CYP7B1: variants seen among roughly 807,000 people sequenced by gnomAD.
CYP7B1 encodes the protein cytochrome P450 family 7 subfamily B member 1.
A neutral mutation model predicts 42.7 loss-of-function variants in CYP7B1; 29 were observed. That is an observed-to-expected ratio of 0.68 (90% CI 0.51 to 0.93). CYP7B1 has a LOEUF of 0.93. Ranked by LOEUF, CYP7B1 falls within the 40% of genes least tolerant of loss-of-function variation. The pLI, the probability that CYP7B1 is intolerant of heterozygous loss-of-function variation, is 0.00. For missense variants in CYP7B1, 655 were observed against 600.5 expected, an observed-to-expected ratio of 1.09 and a Z score of -0.95; for synonymous variants, 235 against 218.2, an observed-to-expected ratio of 1.08 and a Z score of -0.68.
chr8:64,614,676 A>T (rs1272016046), intron 4 of CYP7B1, among the ~76,000 whole-genome samples: 1 of 152,152 alleles, frequency 6.6e-6, no homozygotes, highest in Non-Finnish European at 1.5e-5. Flanking sequence ...TTCCTTTTCA[A>T]TCCCTAAATA....
At chr8:64,743,137 TAAAC>T (rs970476082) in intron 1 of CYP7B1, among the ~76,000 whole-genome samples, 7 of 152,020 alleles carry the variant, frequency 4.6e-5, no homozygotes, top group Admixed American at 4.6e-4. Context: ...AAAAAACAAA[TAAAC>T]AAAAAAACAA....
At chr8:64,732,999 G>A (rs1807436407) in intron 1 of CYP7B1, 1 of 152,182 alleles carries the variant, frequency 6.6e-6, no homozygotes, top group Non-Finnish European at 1.5e-5. Flanking sequence ...AGGCCTACCT[G>A]GTTCTCCCAC....
At chr8:64,685,216 C>G (rs1023174471) in intron 1 of CYP7B1, among the ~76,000 whole-genome samples, 1 of 150,822 alleles carries the variant, frequency 6.6e-6, no homozygotes, top group South Asian at 2.1e-4. Flanking sequence ...CCGCGGGGCC[C>G]GAGGGCAAGG....
chr8:64,746,382 C>T (rs889360240), intron 1 of CYP7B1, among the ~76,000 whole-genome samples: 1 of 152,126 alleles, frequency 6.6e-6, no homozygotes, highest in Non-Finnish European at 1.5e-5. Context: ...CAGGGAATTG[C>T]AATGAGAATA....
At chr8:64,697,165 G>A (rs1806841216) in intron 1 of CYP7B1, among the ~76,000 whole-genome samples, 1 of 152,296 alleles carries the variant, frequency 6.6e-6, no homozygotes, top group Non-Finnish European at 1.5e-5. Context: ...TCTCCACAAC[G>A]TGTATTGCCT....
At chr8:64,790,726 C>T (rs1196267697) in intron 1 of CYP7B1, among the ~76,000 whole-genome samples, 12 of 152,170 alleles carry the variant, frequency 7.9e-5, no homozygotes, top group Admixed American at 7.9e-4. Flanking sequence ...AAATAAAAAT[C>T]TTAGACTCAC....
chr8:64,633,742 T>C (rs956596844), intron 1 of CYP7B1, among the ~76,000 whole-genome samples: 2 of 152,194 alleles, frequency 1.3e-5, no homozygotes, highest in Non-Finnish European at 2.9e-5. Context: ...TCTAGTAAGA[T>C]GTTTTATGGA....
At chr8:64,743,472 C>A (rs1563412160) in intron 1 of CYP7B1, among the ~76,000 whole-genome samples, 1 of 152,166 alleles carries the variant, frequency 6.6e-6, no homozygotes, top group African/African-American at 2.4e-5. Flanking sequence ...TATTTTCTCG[C>A]AGTTCTGGAA....
chr8:64,735,701 A>G (rs1048644962), intron 1 of CYP7B1, among the ~76,000 whole-genome samples: 1 of 152,184 alleles, frequency 6.6e-6, no homozygotes, highest in South Asian at 2.1e-4. Context: ...CACAAAAAGT[A>G]GAGAGAAAAT....
At chr8:64,643,184 T>TATAC (rs1805892680) in intron 1 of CYP7B1, among the ~76,000 whole-genome samples, 3 of 38,214 alleles carry the variant, frequency 7.9e-5, no homozygotes, top group African/African-American at 1.1e-4. Flanking sequence ...TATATATACA[T>TATAC]ATATATATAC....
intron 1 of CYP7B1, among the ~76,000 whole-genome samples, chr8:64,654,489 G>T (rs1806090757): frequency 1.3e-5 from 2 of 152,050 alleles, no homozygotes; most frequent in Non-Finnish European, 2.9e-5. Flanking sequence ...TTTACAATGA[G>T]AATTACAAAA....
chr8:64,711,715 A>G (rs974047104), intron 1 of CYP7B1, among the ~76,000 whole-genome samples: 1 of 152,214 alleles, frequency 6.6e-6, no homozygotes, highest in Non-Finnish European at 1.5e-5. Context: ...GAATATTCTT[A>G]TAATACGCCT....
At chr8:64,644,605 C>T (rs1805919563) in intron 1 of CYP7B1, among the ~76,000 whole-genome samples, 1 of 152,096 alleles carries the variant, frequency 6.6e-6, no homozygotes, top group African/African-American at 2.4e-5. Flanking sequence ...GGTGTGTTGT[C>T]AATAAGCAGT....
At chr8:64,728,789 A>G (rs973108364) in intron 1 of CYP7B1, 1 of 152,174 alleles carries the variant, frequency 6.6e-6, no homozygotes, top group Non-Finnish European at 1.5e-5. Flanking sequence ...TGTTCAAGAA[A>G]TTTCTGCCAT....
intron 1 of CYP7B1, among the ~76,000 whole-genome samples, chr8:64,758,721 C>T (rs1807844036): frequency 1.3e-5 from 2 of 152,120 alleles, no homozygotes; most frequent in Non-Finnish European, 2.9e-5. Flanking sequence ...TAAGATGTTA[C>T]ATCTGTAAAA....
chr8:64,626,264 A>G (rs1356019955), intron 1 of CYP7B1, among the ~76,000 whole-genome samples: 2 of 152,178 alleles, frequency 1.3e-5, no homozygotes, highest in East Asian at 1.9e-4. Flanking sequence ...ACCTAGGGAA[A>G]AAAAACCACC....
At chr8:64,606,359 T>C (rs1038238924) in intron 4 of CYP7B1, among the ~76,000 whole-genome samples, 11 of 152,378 alleles carry the variant, frequency 7.2e-5, no homozygotes, top group Middle Eastern at 3.4e-3. Flanking sequence ...GCCTCCCATG[T>C]ACTGCTGCCG....
chr8:64,722,666 G>T lies in CYP7B1; in HGVS notation c.122+75800C>A, dbSNP rs186634568. 9.0e-3 allele frequency among the ~76,000 whole-genome samples: 1,225 copies of T among 136,234 alleles called. 16 individuals carry two copies. Among genetic ancestry groups the T allele is most frequent in the Non-Finnish European group, 9.7e-3 (640 of 65,962 alleles). The allele number at this position is 136,234 out of a possible 152,430, so 89.4% of individuals were successfully genotyped here. On this transcript the variant is annotated intron_variant, in intron 1 of 5. Coordinates refer to ENST00000310193, the MANE Select transcript of CYP7B1 (RefSeq NM_004820.5). ...GTTTCAACTCCTGATGCTTACCTAG[G>T]AAAACTGGGATCTCGTAGTATAAAA... is the stretch of plus-strand genomic sequence containing the variant.
chr8:64,788,376 A>T (rs1450715452), intron 1 of CYP7B1, among the ~76,000 whole-genome samples: 1 of 152,180 alleles, frequency 6.6e-6, no homozygotes, highest in Non-Finnish European at 1.5e-5. Context: ...ATATCACTTC[A>T]ACCAGGGGGC....
Sources: allele counts gnomAD v4.1 joint callset (sites outside exome capture counted in the v4.1 genomes callset), GRCh38; gene constraint gnomAD v4.1.1; transcripts MANE v1.5; gene names NCBI Gene and HGNC (gene_info 2026-07-23, HGNC 2026-07-21).